EIF4E: variants seen among roughly 807,000 people sequenced by gnomAD.
EIF4E encodes the protein eukaryotic translation initiation factor 4E.
For synonymous variants in EIF4E, 71 were observed against 88.5 expected, an observed-to-expected ratio of 0.80 and a Z score of 1.11; for missense variants, 113 against 265.6, an observed-to-expected ratio of 0.43 and a Z score of 3.99.
At chr4:98,912,259 A>C (rs991869834) in intron 1 of EIF4E, among the ~76,000 whole-genome samples, 2 of 150,398 alleles carry the variant, frequency 1.3e-5, no homozygotes, top group African/African-American at 4.9e-5. Context: ...TCTCGAAAAA[A>C]AAAAAGAAGA....
intron 1 of EIF4E, chr4:98,928,882 C>T: frequency 6.5e-7 from 1 of 1,549,158 alleles, no homozygotes; most frequent in Non-Finnish European, 8.7e-7. Flanking sequence ...TCCCCCAGTT[C>T]TCGGGCCCCC....
In EIF4E at chr4:98,929,100, C is replaced by T; in HGVS notation, c.13G>A (p.Glu5Lys). ...GGGCCAAAGGCAATACTCACCGGTT[C>T]GACAGTCGCCATCTTAGATCGATCT... The part of the protein sequence containing the change: MATV[E>K]PETTPTPNPP... Residue 5 changes from glutamate to lysine, a missense_variant, in exon 1 of 7, where the codon GAA (glutamate) becomes AAA (lysine). Coordinates refer to ENST00000450253, the MANE Select transcript of EIF4E (RefSeq NM_001968.5). 3.2e-6 allele frequency: 5 copies of T among 1,580,304 alleles called. No individual in the cohort carries two copies. The highest frequency in any genetic ancestry group is 4.7e-5 in the East Asian group (2 of 42,998).
At chr4:98,886,810 T>C (rs1381711711) in intron 5 of EIF4E, 1 of 424,074 alleles carries the variant, frequency 2.4e-6, no homozygotes, top group Non-Finnish European at 4.4e-6. Context: ...GGTTCTATAA[T>C]TTTGAGGTTA....
intron 1 of EIF4E, chr4:98,909,496 C>A: frequency 1.7e-6 from 1 of 580,230 alleles, no homozygotes. Flanking sequence ...GTAAACTGGA[C>A]CCCATGATTT....
chr4:98,897,322 G>C (rs1209630248), intron 2 of EIF4E, among the ~76,000 whole-genome samples: 3 of 151,650 alleles, frequency 2.0e-5, no homozygotes, highest in African/African-American at 7.3e-5. Flanking sequence ...TGTAATTCTA[G>C]CACTTTGGGA....
intron 1 of EIF4E, chr4:98,928,809 C>T: frequency 1.3e-6 from 2 of 1,490,766 alleles, no homozygotes; most frequent in African/African-American, 2.8e-5. Context: ...CCCAGCTACC[C>T]TCCACCCTGT....
At chr4:98,894,500 T>C (rs1325706101) in intron 2 of EIF4E, among the ~76,000 whole-genome samples, 1 of 152,246 alleles carries the variant, frequency 6.6e-6, no homozygotes, top group Admixed American at 6.5e-5. Flanking sequence ...TGTACTTTTA[T>C]GGGGGTGACT....
In EIF4E at chr4:98,924,156, C is replaced by T. The variant is rs189340120; in HGVS notation, c.18+4939G>A. On this transcript the variant is annotated intron_variant, in intron 1 of 6. Coordinates refer to ENST00000450253, the MANE Select transcript of EIF4E (RefSeq NM_001968.5). ...GCAGTGGCACAATCTCAGCTCACTACAACCTCCGCCTCCCAGGTTCAAGAG... is the reference window on the plus strand; with the variant it reads ...GCAGTGGCACAATCTCAGCTCACTATAACCTCCGCCTCCCAGGTTCAAGAG... Among the ~76,000 whole-genome samples the T allele has an allele frequency of 6.4e-3, 972 of 151,712 alleles. 11 individuals are homozygous for T. Among genetic ancestry groups the T allele is most frequent in the African/African-American group, 0.022 (911 of 41,354 alleles).
At chr4:98,913,026 G>A (rs1738451783) in intron 1 of EIF4E, among the ~76,000 whole-genome samples, 2 of 151,982 alleles carry the variant, frequency 1.3e-5, no homozygotes, top group South Asian at 4.2e-4. Context: ...GGTCCAACAT[G>A]GTGAAACCGC....
intron 1 of EIF4E, among the ~76,000 whole-genome samples, chr4:98,919,803 C>T (rs1262154518): frequency 1.3e-5 from 2 of 152,134 alleles, no homozygotes; most frequent in Non-Finnish European, 2.9e-5. Context: ...AAGTGCTCCA[C>T]CTGCCACAGC....
intron 1 of EIF4E, among the ~76,000 whole-genome samples, chr4:98,920,338 G>A (rs1289613000): frequency 1.4e-5 from 2 of 145,240 alleles, no homozygotes; most frequent in Admixed American, 7.0e-5. Context: ...TTTCACTCTT[G>A]TTGCCCAGGC....
chr4:98,909,658 T>TTG, intron 1 of EIF4E: 1 of 711,916 alleles, frequency 1.4e-6, no homozygotes, highest in South Asian at 1.5e-5. Context: ...CAACCTGTGC[T>TTG]GGCAAACAAG....
chr4:98,911,182 G>C (rs1725110952), intron 1 of EIF4E, among the ~76,000 whole-genome samples: 1 of 151,682 alleles, frequency 6.6e-6, no homozygotes, highest in Non-Finnish European at 1.5e-5. Flanking sequence ...CCAAGTAGCT[G>C]GGATTACAGG....
chr4:98,929,004 G>A, intron 1 of EIF4E, 91 bp downstream of exon 1: 2 of 1,567,132 alleles, frequency 1.3e-6, no homozygotes, highest in Non-Finnish European at 1.7e-6. Context: ...GGTACAGTGC[G>A]CGCCGGGAAC....
rs1325365965 is a variant in EIF4E at position 98,879,717 on chromosome 4, T to G, written c.*1311A>C. ...AAACAACTCAATTCAGCAACCAAGT[T>G]TTACAACCACTGTTGCTACCAATCA... On this transcript the variant is annotated 3_prime_UTR_variant, in exon 7 of 7. Transcript: ENST00000450253. The G allele has an allele frequency of 6.6e-6, 1 of 152,080 alleles. No homozygotes were observed. Among genetic ancestry groups the G allele is most frequent in the Non-Finnish European group, 1.5e-5 (1 of 67,988 alleles). The allele number at this position is 152,080 out of a possible 1,614,324, so 9.4% of individuals were successfully genotyped here. A position where few individuals can be genotyped will look rare whatever the true frequency, so the allele number is the denominator to read the frequency against.
chr4:98,916,816 CT>C (rs913388291), intron 1 of EIF4E, among the ~76,000 whole-genome samples: 1 of 151,952 alleles, frequency 6.6e-6, no homozygotes, highest in Non-Finnish European at 1.5e-5. Context: ...TCTCAAAAAA[CT>C]GCTGGAGATC....
intron 1 of EIF4E, among the ~76,000 whole-genome samples, chr4:98,916,612 G>A (rs915610378): frequency 2.6e-5 from 4 of 152,154 alleles, no homozygotes; most frequent in Non-Finnish European, 2.9e-5. Flanking sequence ...TATAGGGAGT[G>A]AGGGTGAGAG....
rs1472922189 is a variant in EIF4E, at chr4:98,887,463, T to C, written c.286-271A>G. ...TAAACTTTCTGAGAAGCAAACATAT[T>C]TTAGAAGCTCTGTACATTTCTACAG... On this transcript the variant is annotated intron_variant, in intron 4 of 6. Transcript: ENST00000450253. The surrounding 1 kb of genome is among the most constrained non-coding windows in gnomAD (Gnocchi z 4.0). 1.3e-5 allele frequency among the ~76,000 whole-genome samples: 2 copies of C among 152,200 alleles called. No individual in the cohort carries two copies. The highest frequency in any genetic ancestry group is 2.9e-5 in the Non-Finnish European group (2 of 68,038).
intron 1 of EIF4E, chr4:98,903,360 G>GTTTTTTTTTTTTTTTTTTTTTTTTTTTT: frequency 2.6e-6 from 1 of 384,680 alleles, no homozygotes; most frequent in Non-Finnish European, 5.0e-6. Context: ...AAGAATATGG[G>GTTTTTTTTTTTTTTTTTTTTTTTTTTTT]TTTTTTTTTT....
Sources: gnomAD v4.1 joint callset for allele counts (sites outside exome capture counted in the v4.1 genomes callset) on GRCh38, gnomAD v4.1.1 for gene constraint, Gnocchi (gnomAD v3.1) non-coding constraint, MANE v1.5 for transcripts, NCBI Gene and HGNC (gene_info 2026-07-23, HGNC 2026-07-21) for gene names.